Variants in KDM2A observed in about 807,000 individuals in gnomAD.
KDM2A encodes lysine demethylase 2A.
A neutral mutation model predicts 137.3 loss-of-function variants in KDM2A; 3 were observed. That is an observed-to-expected ratio of 0.02 (90% CI 0.01 to 0.06). The LOEUF (loss-of-function observed/expected upper bound fraction) is 0.06, where lower values mean the gene tolerates loss of function less well. KDM2A is among the 10% of genes least tolerant of loss of function. The pLI is 1.00. For synonymous variants in KDM2A, 512 were observed against 541.5 expected (o/e 0.95, Z 0.76); for missense variants, 738 against 1,510.6 (o/e 0.49, Z 8.48).
intron 16 of KDM2A, 142 bp from the exon 17 acceptor site, chr11:67,249,944 C>A: frequency 1.5e-6 from 1 of 682,240 alleles, no homozygotes; most frequent in Non-Finnish European, 2.4e-6. Flanking sequence ...CCAGCCTGGG[C>A]CGACTCTGAG....
intron 2 of KDM2A, among the ~76,000 whole-genome samples, chr11:67,162,716 A>G (rs1856661746): frequency 6.8e-6 from 1 of 146,908 alleles, no homozygotes; most frequent in Non-Finnish European, 1.5e-5. Flanking sequence ...TGCGATTTTT[A>G]GTTTTATTTT....
intron 15 of KDM2A, among the ~76,000 whole-genome samples, chr11:67,247,058 TATATATATATATA>T (rs1339776092): frequency 1.3e-4 from 4 of 30,900 alleles, no homozygotes; most frequent in East Asian, 6.2e-4. Flanking sequence ...TATATATATA[TATATATATATATA>T]TTTTTTTTTT....
intron 12 of KDM2A, among the ~76,000 whole-genome samples, chr11:67,232,281 C>A (rs770171032): frequency 3.3e-5 from 5 of 152,110 alleles, no homozygotes; most frequent in Non-Finnish European, 5.9e-5. Context: ...ACTTAAGTTA[C>A]CTTGAGATAA....
At position 67,253,609 on chromosome 11, in the gene KDM2A, C is replaced by T. The variant is rs772619697; in HGVS notation, c.3089C>T (p.Pro1030Leu). Residue 1030 changes from proline (P) to leucine (L), a missense_variant and splice_region_variant, in exon 19 of 21, where the codon CCA becomes CTA. Transcript: ENST00000529006. ...TTGCTTACTCCACCGGCTGATAAAC[C>T]AGGTATGCTCTGGACCTGACTTCTC... ...RDLLTPPADKPGQDNRSKLRN... is the reference protein window; with the variant it reads ...RDLLTPPADKLGQDNRSKLRN... 1.9e-5 allele frequency: 30 copies of T among 1,613,708 alleles called. No individual in the cohort carries two copies. In the African/African-American group the frequency reaches 3.7e-4, roughly 20 times the overall value.
chr11:67,255,712 G>T lies in KDM2A; in HGVS notation c.*657G>T. The stretch of plus-strand genomic sequence containing the variant: ...TTAGGTTTCCCACCCCAGCCTACCC[G>T]ACTTACTTGCTAGTCTCTATGAGGT... On this transcript the variant is annotated 3_prime_UTR_variant, in exon 21 of 21. Coordinates refer to ENST00000529006, the MANE Select transcript of KDM2A (RefSeq NM_012308.3). 1 of 388,050 alleles carries T rather than the reference G, an allele frequency of 2.6e-6. No homozygotes were observed. 24.0% of individuals were successfully genotyped at this position (388,050 alleles called of 1,614,324 possible). A position where few individuals can be genotyped will look rare whatever the true frequency, so the allele number is the denominator to read the frequency against.
chr11:67,215,753 G>A lies in KDM2A; in HGVS notation c.594-103G>A. Reference sequence around the variant, plus strand: ...TTCTCCTTCTGGAACTTAAGATTAAGTGGAAGATAAAGGGAGTATATAAGA... The same window carrying A: ...TTCTCCTTCTGGAACTTAAGATTAAATGGAAGATAAAGGGAGTATATAAGA... On this transcript the variant is annotated intron_variant, in intron 7 of 20. Coordinates refer to ENST00000529006, the MANE Select transcript of KDM2A (RefSeq NM_012308.3). 3 of 808,602 alleles carry A rather than the reference G, an allele frequency of 3.7e-6. No individual in the cohort carries two copies. The South Asian group carries it at 4.7e-5, about 13-fold the overall frequency. The allele number at this position is 808,602 out of a possible 1,614,324, so 50.1% of individuals were successfully genotyped here.
chr11:67,185,479 CTT>C (rs1457564488), intron 5 of KDM2A, among the ~76,000 whole-genome samples: 3 of 151,754 alleles, frequency 2.0e-5, no homozygotes, highest in Non-Finnish European at 2.9e-5. Context: ...AAATACAAAA[CTT>C]AACTGGGCAT....
In KDM2A at chr11:67,207,530, G is replaced by A. The variant is rs1218904611; in HGVS notation, c.328G>A (p.Val110Ile). ...MCVGSRRMVD[V>I]MDVNTQKGIE... ...GGCAGGGAGTCGTCGCATGGTGGAT[G>A]TCATGGACGTGAACACACAGAAAGG... Residue 110 changes from valine (V) to isoleucine (I), a missense_variant, in exon 6 of 21, where the codon GTC (valine) becomes ATC (isoleucine). Physicochemically the swap from Val to Ile is conservative, Grantham distance 29 (BLOSUM62 3). Transcript: ENST00000529006. 2 of 1,608,596 alleles carry A rather than the reference G, an allele frequency of 1.2e-6. No homozygotes were observed. The highest frequency in any genetic ancestry group is 1.7e-6 in the Non-Finnish European group (2 of 1,176,376).
intron 5 of KDM2A, among the ~76,000 whole-genome samples, chr11:67,183,027 C>CT (rs1300057718): frequency 6.6e-6 from 1 of 152,204 alleles, no homozygotes. Context: ...ACTACCGACT[C>CT]TTCTGTTCAT....
intron 11 of KDM2A, 50 bp from the exon 12 acceptor site, chr11:67,231,516 C>G (rs1413693799): frequency 1.4e-6 from 2 of 1,477,886 alleles, no homozygotes; most frequent in Non-Finnish European, 1.8e-6. Flanking sequence ...TCTTGCTGAT[C>G]ACATGGCAGA....
intron 2 of KDM2A, among the ~76,000 whole-genome samples, chr11:67,144,950 C>T (rs550380708): frequency 6.6e-6 from 1 of 151,486 alleles, no homozygotes; most frequent in South Asian, 2.1e-4. Context: ...AGCTAACTGC[C>T]GACTTTGCCT....
chr11:67,141,077 T>C (rs1197750534), intron 2 of KDM2A, among the ~76,000 whole-genome samples: 3 of 152,142 alleles, frequency 2.0e-5, no homozygotes, highest in Non-Finnish European at 4.4e-5. Flanking sequence ...CCCCCTCTCT[T>C]TGGAGTGTCA....
In KDM2A at chr11:67,170,931, G is replaced by T. The variant is rs74370496; in HGVS notation, c.43-9148G>T. Among the ~76,000 whole-genome samples the T allele has an allele frequency of 4.1e-4, 62 of 152,208 alleles. 1 individual carries two copies. In the East Asian group the frequency reaches 0.012, roughly 29 times the overall value. On this transcript the variant is annotated intron_variant, in intron 2 of 20. Transcript: ENST00000529006. ...TCAGCTCTAGAACCAAAGTACCTGG[G>T]TTCTAGATCCTAGCCACATCAATTA...
In KDM2A at chr11:67,215,995, A is replaced by G. The variant is rs770448728; in HGVS notation, c.687+46A>G. On this transcript the variant is annotated intron_variant, in intron 8 of 20. Coordinates refer to ENST00000529006, the MANE Select transcript of KDM2A (RefSeq NM_012308.3). ...GGGGTTGGAATCTGAAGTTGGTTGTATGACTTTGCTTCAGTTCATGTATAC... is the reference window on the plus strand; with the variant it reads ...GGGGTTGGAATCTGAAGTTGGTTGTGTGACTTTGCTTCAGTTCATGTATAC... 4 of 1,460,868 alleles carry G rather than the reference A, an allele frequency of 2.7e-6. No individual in the cohort carries two copies. In the South Asian group the frequency reaches 4.5e-5, roughly 17 times the overall value. The allele number at this position is 1,460,868 out of a possible 1,614,324, so 90.5% of individuals were successfully genotyped here.
intron 5 of KDM2A, among the ~76,000 whole-genome samples, chr11:67,203,494 ATT>A (rs1007890539): frequency 6.8e-6 from 1 of 147,334 alleles, no homozygotes; most frequent in African/African-American, 2.5e-5. Context: ...ATATTAATAT[ATT>A]TTTATATAAT....
At chr11:67,122,443 C>T (rs923830210) in intron 2 of KDM2A, among the ~76,000 whole-genome samples, 2 of 152,062 alleles carry the variant, frequency 1.3e-5, no homozygotes, top group African/African-American at 4.8e-5. Flanking sequence ...CCTCCTGCCT[C>T]AGCCTTGCAA....
At chr11:67,145,248 G>C (rs1332795381) in intron 2 of KDM2A, among the ~76,000 whole-genome samples, 1 of 151,558 alleles carries the variant, frequency 6.6e-6, no homozygotes, top group African/African-American at 2.4e-5. Flanking sequence ...ACTTTGGGAG[G>C]CTGAGGCGGG....
intron 5 of KDM2A, among the ~76,000 whole-genome samples, chr11:67,193,866 A>T (rs1479630326): frequency 6.6e-6 from 1 of 152,046 alleles, no homozygotes; most frequent in Non-Finnish European, 1.5e-5. Context: ...ATCTCAATAC[A>T]TACATACATA....
At chr11:67,185,600 T>A (rs1857184017) in intron 5 of KDM2A, among the ~76,000 whole-genome samples, 5 of 151,608 alleles carry the variant, frequency 3.3e-5, no homozygotes, top group African/African-American at 1.2e-4. Flanking sequence ...ATTGACTCCC[T>A]TGCACTCTAG....
Sources: gnomAD v4.1 joint callset for allele counts (sites outside exome capture counted in the v4.1 genomes callset) on GRCh38, gnomAD v4.1.1 for gene constraint, MANE v1.5 for transcripts, NCBI Gene and HGNC (gene_info 2026-07-23, HGNC 2026-07-21) for gene names.